WSCD1: variants seen among roughly 807,000 people sequenced by gnomAD.
WSCD1 encodes the protein sialate:O-sulfotransferase 1.
In WSCD1, 41 loss-of-function variants were observed where a neutral mutation model predicts 60.4. The ratio of observed to expected loss-of-function variants is 0.68; its 90% CI spans 0.53 to 0.88. The LOEUF (loss-of-function observed/expected upper bound fraction) is 0.88, where lower values mean the gene tolerates loss of function less well. WSCD1 is among the 40% of genes least tolerant of loss of function. The probability of loss-of-function intolerance (pLI) is 0.00; values close to 1 mark genes in which losing one functional copy is unlikely to be tolerated. For synonymous variants in WSCD1, 361 were observed against 332.5 expected, an observed-to-expected ratio of 1.09 and a Z score of -0.93; for missense variants, 784 against 796.2, an observed-to-expected ratio of 0.98 and a Z score of 0.18.
In WSCD1 at chr17:6,110,243, A is replaced by G. The variant is rs1322459312; in HGVS notation, c.1009+477A>G. 6.6e-6 allele frequency among the ~76,000 whole-genome samples: 1 copy of G among 152,156 alleles called. No individual in the cohort carries two copies. Among genetic ancestry groups the G allele is most frequent in the South Asian group, 2.1e-4 (1 of 4,834 alleles). ...ACGAGGGATGTTACCACCTTTATCAAGTGCCTACTGTGACCCAGCATGGCC... is the reference window on the plus strand; with the variant it reads ...ACGAGGGATGTTACCACCTTTATCAGGTGCCTACTGTGACCCAGCATGGCC... On this transcript the variant is annotated intron_variant, in intron 6 of 8. Coordinates refer to ENST00000317744, the MANE Select transcript of WSCD1 (RefSeq NM_015253.2). This position sits in a 1 kb window ranked among gnomAD's most constrained non-coding sequence, Gnocchi z 4.8.
chr17:6,073,512 C>T lies in WSCD1; in HGVS notation c.-289+2860C>T, dbSNP rs545843836. Among the ~76,000 whole-genome samples, 3 of 152,292 alleles carry T rather than the reference C, an allele frequency of 2.0e-5. No homozygotes were observed. The East Asian group carries it at 5.8e-4, about 29-fold the overall frequency. On this transcript the variant is annotated intron_variant, in intron 1 of 8. Transcript: ENST00000317744. ...GGGCATGGTGGTGTGTGCCTGTAAT[C>T]CCAGCTACTAGGGAGGCTGAGGCAG... is the stretch of plus-strand genomic sequence containing the variant.
rs1908825731 is a variant in WSCD1 at position 6,075,896 on chromosome 17, C to T, written c.-288-4475C>T. 6.6e-6 allele frequency among the ~76,000 whole-genome samples: 1 copy of T among 151,978 alleles called. No individual in the cohort carries two copies. The highest frequency in any genetic ancestry group is 2.1e-4 in the South Asian group (1 of 4,832). On this transcript the variant is annotated intron_variant, in intron 1 of 8. Coordinates refer to ENST00000317744, the MANE Select transcript of WSCD1 (RefSeq NM_015253.2). The surrounding 1 kb of genome is among the most constrained non-coding windows in gnomAD (Gnocchi z 4.1). ...TCAGAGGGGAGGGGCCCCAGGCTGCCTCCCAGTCCCAGTGGGCTGGGGCGG... is the reference window on the plus strand; with the variant it reads ...TCAGAGGGGAGGGGCCCCAGGCTGCTTCCCAGTCCCAGTGGGCTGGGGCGG...
chr17:6,088,974 G>A (rs927581140), intron 3 of WSCD1, among the ~76,000 whole-genome samples: 5 of 151,506 alleles, frequency 3.3e-5, no homozygotes, highest in African/African-American at 1.2e-4. Context: ...AGTAGAGATG[G>A]GGTTTCACTG....
intron 2 of WSCD1, among the ~76,000 whole-genome samples, chr17:6,083,650 G>A (rs1171264861): frequency 1.3e-5 from 2 of 152,100 alleles, no homozygotes; most frequent in Admixed American, 6.5e-5. Flanking sequence ...GTGGTGGCAC[G>A]TGCCTGTAAT....
upstream of WSCD1, among the ~76,000 whole-genome samples, chr17:6,070,231 G>T (rs1338341688): frequency 0.021 from 2 of 94 alleles, no homozygotes; most frequent in African/African-American, 0.036. Context: ...GGCCCGCCCC[G>T]CGCGCGTGTT....
In WSCD1 at chr17:6,101,171, G is replaced by C. The variant is rs538617853; in HGVS notation, c.849+5948G>C. On this transcript the variant is annotated intron_variant, in intron 5 of 8. Transcript: ENST00000317744. This position sits in a 1 kb window ranked among gnomAD's most constrained non-coding sequence, Gnocchi z 4.1. ...GGTGTGGAGGCTGCCTGGCAGTCCCGGTGGCAGCTTTATCTCATCCTAATT... is the reference window on the plus strand; with the variant it reads ...GGTGTGGAGGCTGCCTGGCAGTCCCCGTGGCAGCTTTATCTCATCCTAATT... 2.0e-5 allele frequency among the ~76,000 whole-genome samples: 3 copies of C among 152,262 alleles called. No homozygotes were observed. The highest frequency in any genetic ancestry group is 7.2e-5 in the African/African-American group (3 of 41,534).
rs1909139882 is a variant in WSCD1 at position 6,080,247 on chromosome 17, C to G, written c.-288-124C>G. 4.7e-6 allele frequency: 1 copy of G among 212,996 alleles called. No homozygotes were observed. The highest frequency in any genetic ancestry group is 9.2e-6 in the Non-Finnish European group (1 of 108,282). 13.2% of individuals were successfully genotyped at this position (212,996 alleles called of 1,614,324 possible). On this transcript the variant is annotated intron_variant, in intron 1 of 8. Coordinates refer to ENST00000317744, the MANE Select transcript of WSCD1 (RefSeq NM_015253.2). This position sits in a 1 kb window ranked among gnomAD's most constrained non-coding sequence, Gnocchi z 6.6. Reference sequence around the variant, plus strand: ...GCTGGGATTTAAACCTGGCTTTGTCCAGTGCTCCTGCAACACAGCTGGTCC... The same window carrying G: ...GCTGGGATTTAAACCTGGCTTTGTCGAGTGCTCCTGCAACACAGCTGGTCC...
chr17:6,073,905 G>C (rs1414232815), intron 1 of WSCD1, among the ~76,000 whole-genome samples: 3 of 152,196 alleles, frequency 2.0e-5, no homozygotes, highest in African/African-American at 4.8e-5. Flanking sequence ...GTTTGTATTT[G>C]TTCAAGTTAA....
intron 4 of WSCD1, among the ~76,000 whole-genome samples, chr17:6,092,026 T>A (rs891322129): frequency 1.3e-5 from 2 of 151,900 alleles, no homozygotes; most frequent in African/African-American, 2.4e-5. Context: ...TGGTGGCAGG[T>A]GCCTGTAATC....
intron 5 of WSCD1, among the ~76,000 whole-genome samples, chr17:6,107,245 A>T (rs894811478): frequency 4.6e-5 from 7 of 152,164 alleles, no homozygotes; most frequent in African/African-American, 1.7e-4. Flanking sequence ...TTATCTCTGT[A>T]ATCCCAGCAC....
At chr17:6,093,380 G>A (rs1187540171) in intron 4 of WSCD1, among the ~76,000 whole-genome samples, 1 of 152,158 alleles carries the variant, frequency 6.6e-6, no homozygotes, top group Non-Finnish European at 1.5e-5. Context: ...GGAACACAGG[G>A]GTCACCCAGG....
intron 1 of WSCD1, chr17:6,078,025 C>G (rs924621208): frequency 2.0e-5 from 3 of 152,300 alleles, no homozygotes; most frequent in Non-Finnish European, 2.9e-5. Context: ...GGGGCCTGTG[C>G]CTATGCACTG....
At chr17:6,086,444 T>C (rs1909656557) in intron 2 of WSCD1, among the ~76,000 whole-genome samples, 1 of 151,724 alleles carries the variant, frequency 6.6e-6, no homozygotes, top group South Asian at 2.1e-4. Context: ...CAAGTGATTC[T>C]CCTGCCTCAG....
At chr17:6,117,910 AC>A in intron 7 of WSCD1, 77 bp from the exon 8 acceptor site, 2 of 1,476,410 alleles carry the variant, frequency 1.4e-6, no homozygotes, top group Non-Finnish European at 1.9e-6. Context: ...TGCCAGCTTT[AC>A]CCAATCTGTC....
At chr17:6,097,207 C>T (rs751376337) in intron 5 of WSCD1, among the ~76,000 whole-genome samples, 7 of 152,160 alleles carry the variant, frequency 4.6e-5, no homozygotes, top group Admixed American at 1.3e-4. Context: ...GGGGAAGAGA[C>T]GGAGAAGATG....
intron 7 of WSCD1, among the ~76,000 whole-genome samples, chr17:6,116,374 G>A (rs989743034): frequency 2.0e-5 from 3 of 151,244 alleles, no homozygotes; most frequent in Admixed American, 1.3e-4. Flanking sequence ...GATGTGGCCA[G>A]TGGCCTCAGA....
At chr17:6,112,375 C>G (rs1467354705) in intron 7 of WSCD1, among the ~76,000 whole-genome samples, 2 of 152,118 alleles carry the variant, frequency 1.3e-5, no homozygotes, top group Non-Finnish European at 2.9e-5. Flanking sequence ...TGTTGAAAAC[C>G]TTTTCTCTAA....
intron 3 of WSCD1, 121 bp downstream of exon 3, chr17:6,088,225 A>AG (rs1427173828): frequency 1.2e-6 from 1 of 801,800 alleles, no homozygotes; most frequent in Non-Finnish European, 2.0e-6. Flanking sequence ...CTCACTGCTC[A>AG]GATCCCAGTT....
intron 7 of WSCD1, among the ~76,000 whole-genome samples, chr17:6,116,755 A>T (rs1911703792): frequency 6.6e-6 from 1 of 152,284 alleles, no homozygotes; most frequent in Admixed American, 6.5e-5. Context: ...TTTTCCAGGC[A>T]TCAAAGCGTC....
Sources: gnomAD v4.1 joint callset for allele counts (sites outside exome capture counted in the v4.1 genomes callset) on GRCh38, gnomAD v4.1.1 for gene constraint, Gnocchi (gnomAD v3.1) non-coding constraint, MANE v1.5 for transcripts, NCBI Gene and HGNC (gene_info 2026-07-23, HGNC 2026-07-21) for gene names.